Variants in QSER1 observed in about 807,000 individuals in gnomAD.
QSER1 encodes the protein glutamine and serine-rich protein 1.
QSER1 carries 49 observed loss-of-function variants against 158.5 expected under a neutral mutation model. The ratio of observed to expected loss-of-function variants is 0.31; its 90% CI spans 0.25 to 0.39. QSER1 has a LOEUF of 0.39. Among genes scored for constraint, QSER1 ranks in the 10% least tolerant of loss-of-function variants. The probability of loss-of-function intolerance (pLI) is 1.00; values close to 1 mark genes in which losing one functional copy is unlikely to be tolerated. For missense variants in QSER1, 1,754 were observed against 2,010.3 expected (o/e 0.87, Z 2.44); for synonymous variants, 650 against 715.5 (o/e 0.91, Z 1.46).
At chr11:32,921,386 T>TG (rs1282613373) in intron 1 of QSER1, among the ~76,000 whole-genome samples, 1 of 152,080 alleles carries the variant, frequency 6.6e-6, no homozygotes, top group Non-Finnish European at 1.5e-5. Flanking sequence ...CACGTTTATT[T>TG]GGGGGGGATG....
In QSER1 at chr11:32,977,959, T is replaced by A. The variant is rs1853006486; in HGVS notation, c.*1485T>A. ...CTTGCTTTTGAGTTAACAGGCCAAC[T>A]TTTTATACTTAAAACCTCAGTAAAC... On this transcript the variant is annotated 3_prime_UTR_variant, in exon 13 of 13. Coordinates refer to ENST00000650167, the MANE Select transcript of QSER1 (RefSeq NM_001076786.3). The A allele has an allele frequency of 6.5e-6, 1 of 152,758 alleles. No homozygotes were observed. The allele number at this position is 152,758 out of a possible 1,614,324, so 9.5% of individuals were successfully genotyped here. A position where few individuals can be genotyped will look rare whatever the true frequency, so the allele number is the denominator to read the frequency against.
At position 32,931,816 on chromosome 11, in the gene QSER1, T is replaced by G; in HGVS notation, c.558T>G (p.Ser186=). 6.2e-7 allele frequency: 1 copy of G among 1,614,124 alleles called. No individual in the cohort carries two copies. ...CAAGCACTGGAACACTTCCACCATC[T>G]CTCTCTGCTTATCAGCATCCCACCA... ...PLPSTGTLPP[S]LSAYQHPTTF... Residue 186 remains serine, a synonymous_variant, in exon 4 of 13, where the codon TCT becomes TCG. Coordinates refer to ENST00000650167, the MANE Select transcript of QSER1 (RefSeq NM_001076786.3).
intron 10 of QSER1, among the ~76,000 whole-genome samples, chr11:32,969,431 T>C (rs1852810151): frequency 6.6e-6 from 1 of 152,152 alleles, no homozygotes; most frequent in South Asian, 2.1e-4. Flanking sequence ...TTGTCTGTAA[T>C]TAAAATTAGC....
At chr11:32,904,832 C>A (rs940163030) in intron 1 of QSER1, among the ~76,000 whole-genome samples, 3 of 152,110 alleles carry the variant, frequency 2.0e-5, no homozygotes, top group Non-Finnish European at 4.4e-5. Flanking sequence ...TCACCATCAA[C>A]CCTGCTTAAG....
intron 8 of QSER1, among the ~76,000 whole-genome samples, chr11:32,959,538 C>T (rs1172249560): frequency 6.6e-6 from 1 of 152,058 alleles, no homozygotes; most frequent in Non-Finnish European, 1.5e-5. Context: ...GTAGTGGCAG[C>T]AGGGATGGAG....
rs776051259 is a variant in QSER1, at chr11:32,970,946, C to CTTTTTTT, written c.5205+1821_5205+1827dup. ...GATAATTGTCATATAAAGCAATTTG[C>CTTTTTTT]TTTTTTTTTTTTTTTTTTTTTTTTG... On this transcript the variant is annotated intron_variant, in intron 10 of 12. Transcript: ENST00000650167. Among the ~76,000 whole-genome samples, 80 of 76,902 alleles carry CTTTTTTT rather than the reference C, an allele frequency of 1.0e-3. 1 individual carries two copies. The highest frequency in any genetic ancestry group is 1.2e-3 in the South Asian group (2 of 1,660). 50.5% of individuals were successfully genotyped at this position (76,902 alleles called of 152,430 possible). A position where few individuals can be genotyped will look rare whatever the true frequency, so the allele number is the denominator to read the frequency against.
intron 4 of QSER1, among the ~76,000 whole-genome samples, chr11:32,938,271 T>G (rs1383716529): frequency 1.3e-5 from 2 of 152,096 alleles, no homozygotes; most frequent in Non-Finnish European, 2.9e-5. Flanking sequence ...ACAACCTGAG[T>G]CATTAATTGT....
chr11:32,935,397 C>T lies in QSER1; in HGVS notation c.4139C>T (p.Thr1380Ile). 6.4e-7 allele frequency: 1 copy of T among 1,560,084 alleles called. No homozygotes were observed. The highest frequency in any genetic ancestry group is 1.2e-5 in the South Asian group (1 of 82,248). Residue 1380 changes from threonine to isoleucine, a missense_variant, in exon 4 of 13, where the codon ACT (threonine) becomes ATT (isoleucine). Transcript: ENST00000650167. ...TATAAAAGCGTCTCTACTCCCTTAACTACTTTGGATGCTACTTCTGATAAA... is the reference window on the plus strand; with the variant it reads ...TATAAAAGCGTCTCTACTCCCTTAATTACTTTGGATGCTACTTCTGATAAA... ...DAYKSVSTPL[T>I]TLDATSDKKK...
chr11:32,939,481 T>A (rs1773189706), intron 4 of QSER1, among the ~76,000 whole-genome samples: 1 of 152,142 alleles, frequency 6.6e-6, no homozygotes, highest in Admixed American at 6.5e-5. Flanking sequence ...TTCTGGGATG[T>A]TCTGGGTCTT....
At chr11:32,938,969 A>C (rs1852192506) in intron 4 of QSER1, among the ~76,000 whole-genome samples, 1 of 152,182 alleles carries the variant, frequency 6.6e-6, no homozygotes. Flanking sequence ...ATAAAAACCC[A>C]TCCCTAGTTT....
rs200602989 is a variant in QSER1 at position 32,932,196 on chromosome 11, G to C, written c.938G>C (p.Arg313Pro). ...STASIERALLRECSVIKHHQR... is the reference protein window; with the variant it reads ...STASIERALLPECSVIKHHQR... ...GCTTCCATTGAAAGAGCTCTTCTTCGAGAATGTAGTGTTATTAAACACCAT... is the reference window on the plus strand; with the variant it reads ...GCTTCCATTGAAAGAGCTCTTCTTCCAGAATGTAGTGTTATTAAACACCAT... Residue 313 changes from arginine to proline, a missense_variant, in exon 4 of 13, where the codon CGA becomes CCA. Transcript: ENST00000650167. 3.1e-6 allele frequency: 5 copies of C among 1,614,118 alleles called. No individual in the cohort carries two copies.
intron 4 of QSER1, among the ~76,000 whole-genome samples, chr11:32,945,362 C>T (rs1590173508): frequency 6.6e-6 from 1 of 152,010 alleles, no homozygotes; most frequent in East Asian, 1.9e-4. Flanking sequence ...CATGATTTTG[C>T]AGCGGCTGGT....
intron 3 of QSER1, among the ~76,000 whole-genome samples, chr11:32,930,787 T>C (rs544130506): frequency 1.3e-5 from 2 of 152,238 alleles, no homozygotes; most frequent in African/African-American, 4.8e-5. Context: ...CTCATTTCTT[T>C]AGAATAAATT....
At chr11:32,913,252 G>A (rs1241894136) in intron 1 of QSER1, among the ~76,000 whole-genome samples, 1 of 138,670 alleles carries the variant, frequency 7.2e-6, no homozygotes, top group Non-Finnish European at 1.5e-5. Flanking sequence ...GTGCCGTGGC[G>A]CGATCTCGGC....
Position 32,893,225 on chromosome 11 carries a change from C to A in QSER1, c.100C>A (p.Pro34Thr), listed in dbSNP as rs1302722816. The part of the protein sequence containing the change: ...APVPASAAAQ[P>T]PAPAWAYEPR... ...CGTCCCCGCCAGCGCCGCTGCGCAG[C>A]CCCCCGCCCCAGCCTGGGCGTACGA... The change falls in exon 1 of 13, where the codon CCC becomes ACC. Residue 34 changes from proline to threonine, a missense_variant. This residue lies in a region of QSER1 where 1,707 missense variants were observed against 1,919.6 expected (regional missense o/e 0.89). Coordinates refer to ENST00000650167, the MANE Select transcript of QSER1 (RefSeq NM_001076786.3). This position sits in a 1 kb window ranked among gnomAD's most constrained non-coding sequence, Gnocchi z 4.7. 1.4e-5 allele frequency: 2 copies of A among 145,874 alleles called. No homozygotes were observed. Among genetic ancestry groups the A allele is most frequent in the African/African-American group, 2.5e-5 (1 of 39,636 alleles). 9.0% of individuals were successfully genotyped at this position (145,874 alleles called of 1,614,324 possible). A position where few individuals can be genotyped will look rare whatever the true frequency, so the allele number is the denominator to read the frequency against.
intron 4 of QSER1, among the ~76,000 whole-genome samples, chr11:32,940,927 C>G (rs1429484046): frequency 1.3e-5 from 2 of 151,598 alleles, no homozygotes; most frequent in Non-Finnish European, 2.9e-5. Flanking sequence ...CTGGTTTTAT[C>G]TTAATTCTTT....
At position 32,935,218 on chromosome 11, in the gene QSER1, A is replaced by G. The variant is rs1398264697; in HGVS notation, c.3960A>G (p.Pro1320=). 3.1e-6 allele frequency: 5 copies of G among 1,613,892 alleles called. No individual in the cohort carries two copies. Among genetic ancestry groups the G allele is most frequent in the Non-Finnish European group, 4.2e-6 (5 of 1,179,878 alleles). Residue 1320 remains proline (P), a synonymous_variant, in exon 4 of 13, where the codon CCA becomes CCG. Coordinates refer to ENST00000650167, the MANE Select transcript of QSER1 (RefSeq NM_001076786.3). ...TQMVRTFCPP[P]LPKPSSTTPT... ...TGGTTCGTACATTTTGTCCCCCACCACTTCCCAAGCCTTCATCTACAACAC... is the reference window on the plus strand; with the variant it reads ...TGGTTCGTACATTTTGTCCCCCACCGCTTCCCAAGCCTTCATCTACAACAC...
Position 32,976,888 on chromosome 11 carries a change from T to G in QSER1, c.*414T>G. ...AGAGAAGTGGCAGAAACCATATGTT[T>G]GTACTCACATCTGGCCACAAAACCA... On this transcript the variant is annotated 3_prime_UTR_variant, in exon 13 of 13. Transcript: ENST00000650167. 1 of 188,250 alleles carries G rather than the reference T, an allele frequency of 5.3e-6. No individual in the cohort carries two copies. The highest frequency in any genetic ancestry group is 1.1e-5 in the Non-Finnish European group (1 of 92,674). 11.7% of individuals were successfully genotyped at this position (188,250 alleles called of 1,614,324 possible).
intron 4 of QSER1, among the ~76,000 whole-genome samples, chr11:32,945,235 C>T (rs1392635849): frequency 6.7e-6 from 1 of 150,160 alleles, no homozygotes; most frequent in Non-Finnish European, 1.5e-5. Context: ...AGTCCATTTA[C>T]ATTTAAAGTT....
Sources: allele counts gnomAD v4.1 joint callset (sites outside exome capture counted in the v4.1 genomes callset), GRCh38; gene constraint gnomAD v4.1.1; regional missense constraint gnomAD v4.1.1; non-coding constraint Gnocchi (gnomAD v3.1); transcripts MANE v1.5; gene names NCBI Gene and HGNC (gene_info 2026-07-23, HGNC 2026-07-21).